The following POLR2D variants were observed in gnomAD, a reference collection of about 807,000 sequenced individuals.
POLR2D encodes DNA-directed RNA polymerase II subunit RPB4.
In POLR2D, 10 loss-of-function variants were observed where a neutral mutation model predicts 17.6. The observed-to-expected ratio is 0.57, with a 90% CI of 0.35 to 0.96. The LOEUF (loss-of-function observed/expected upper bound fraction) is 0.96, where lower values mean the gene tolerates loss of function less well. POLR2D is among the 40% of genes least tolerant of loss of function. The pLI is 0.02. For missense variants in POLR2D, 126 were observed against 176.4 expected (o/e 0.71, Z 1.62); for synonymous variants, 52 against 60.2 (o/e 0.86, Z 0.63).
Position 127,856,290 on chromosome 2 carries a change from C to CAAAAAAAAAAAAAA in POLR2D, c.73+1724_73+1737dup, listed in dbSNP as rs61249327. ...TAGGTAGCAGAATGAGATCCCGTCTCAAAAAAAAAAAAAAAAAAAGGCAGG... is the reference window on the plus strand; with the variant it reads ...TAGGTAGCAGAATGAGATCCCGTCTCAAAAAAAAAAAAAAAAAAAAAAAAAAAAAAAAAGGCAGG... On this transcript the variant is annotated intron_variant, in intron 1 of 3. Transcript: ENST00000272645. Among the ~76,000 whole-genome samples, 169 of 25,398 alleles carry CAAAAAAAAAAAAAA rather than the reference C, an allele frequency of 6.7e-3. 33 individuals are homozygous for CAAAAAAAAAAAAAA. The highest frequency in any genetic ancestry group is 0.019 in the African/African-American group (144 of 7,750). The allele number at this position is 25,398 out of a possible 152,430, so 16.7% of individuals were successfully genotyped here.
Position 127,845,373 on chromosome 2 carries a change from C to CTTTTTTTTTTTTTTTTTTTT in POLR2D, c.*2714_*2733dup, listed in dbSNP as rs397871322. ...CTGTAGATTTGGGTAAGCAATTTCACTTTTTTTTTTTTTTTTTTTTTGAGA... is the reference window on the plus strand; with the variant it reads ...CTGTAGATTTGGGTAAGCAATTTCACTTTTTTTTTTTTTTTTTTTTTTTTTTTTTTTTTTTTTTTTTGAGA... On this transcript the variant is annotated 3_prime_UTR_variant, in exon 4 of 4. Coordinates refer to ENST00000272645, the MANE Select transcript of POLR2D (RefSeq NM_004805.4). The CTTTTTTTTTTTTTTTTTTTT allele has an allele frequency of 8.8e-6, 1 of 113,616 alleles. No individual in the cohort carries two copies. The highest frequency in any genetic ancestry group is 3.8e-5 in the African/African-American group (1 of 26,518). 7.0% of individuals were successfully genotyped at this position (113,616 alleles called of 1,614,324 possible). A position where few individuals can be genotyped will look rare whatever the true frequency, so the allele number is the denominator to read the frequency against.
intron 1 of POLR2D, chr2:127,857,140 C>G (rs937047602): frequency 2.6e-5 from 4 of 152,106 alleles, no homozygotes; most frequent in Non-Finnish European, 4.4e-5. Context: ...TAGTGAGACC[C>G]TGTCTTTACG....
In POLR2D at chr2:127,858,118, CG is replaced by C. The variant is rs767107453; in HGVS notation, c.-19del. On this transcript the variant is annotated 5_prime_UTR_variant, in exon 1 of 4. Transcript: ENST00000272645. ...GCCGCCATCGCCGCGCCGCGCCGCG[CG>C]CCACCACCAGCGCCGCCGGAAGCAG... 2.7e-6 allele frequency: 4 copies of C among 1,469,170 alleles called. No homozygotes were observed. In the African/African-American group the frequency reaches 5.9e-5, roughly 22 times the overall value. 91.0% of individuals were successfully genotyped at this position (1,469,170 alleles called of 1,614,324 possible). A position where few individuals can be genotyped will look rare whatever the true frequency, so the allele number is the denominator to read the frequency against.
chr2:127,851,853 C>G (rs1236201351), intron 2 of POLR2D, among the ~76,000 whole-genome samples: 1 of 152,170 alleles, frequency 6.6e-6, no homozygotes, highest in Non-Finnish European at 1.5e-5. Flanking sequence ...TGCAGTGGCA[C>G]GATCTTGGCT....
chr2:127,846,266 T>TA lies in POLR2D; in HGVS notation c.*1840dup, dbSNP rs1192948101. 8 of 139,662 alleles carry TA rather than the reference T, an allele frequency of 5.7e-5. No individual in the cohort carries two copies. The highest frequency in any genetic ancestry group is 8.8e-5 in the Non-Finnish European group (6 of 67,944). 8.7% of individuals were successfully genotyped at this position (139,662 alleles called of 1,614,324 possible). A position where few individuals can be genotyped will look rare whatever the true frequency, so the allele number is the denominator to read the frequency against. On this transcript the variant is annotated 3_prime_UTR_variant, in exon 4 of 4. Transcript: ENST00000272645. ...CTATCTCAAAAAATAAATAAATAAA[T>TA]AAAAATAAGAATTTTTTATTCTTGC...
chr2:127,844,419 T>C lies in POLR2D; in HGVS notation c.*3688A>G, dbSNP rs181698848. The C allele has an allele frequency of 6.6e-6, 1 of 152,236 alleles. No individual in the cohort carries two copies. Among genetic ancestry groups the C allele is most frequent in the Non-Finnish European group, 1.5e-5 (1 of 68,046 alleles). 9.4% of individuals were successfully genotyped at this position (152,236 alleles called of 1,614,324 possible). On this transcript the variant is annotated 3_prime_UTR_variant, in exon 4 of 4. Transcript: ENST00000272645. ...CTGGTGAAGTGAGGGTTTGACAACC[T>C]ATCTTTTTGTTGTATCAGTATGTTC...
rs368249434 is a variant in POLR2D at position 127,858,078 on chromosome 2, G to A, written c.23C>T (p.Pro8Leu). Residue 8 changes from proline to leucine, a missense_variant, in exon 1 of 4, where the codon CCG (proline) becomes CTG (leucine). This residue lies in a region of POLR2D where 41 missense variants were observed against 24.9 expected (regional missense o/e 1.64). Transcript: ENST00000272645. ...GTCCTCCTCTACGTCGCCAGCCCGC[G>A]GATCGCTGCCACCCGCCGCCATCGC... MAAGGSD[P>L]RAGDVEEDAS... 5.9e-6 allele frequency: 9 copies of A among 1,538,074 alleles called. No individual in the cohort carries two copies. The highest frequency in any genetic ancestry group is 1.4e-5 in the African/African-American group (1 of 69,894).
chr2:127,848,073 T>C lies in POLR2D; in HGVS notation c.*34A>G. The C allele has an allele frequency of 5.0e-6, 7 of 1,387,314 alleles. No homozygotes were observed. The highest frequency in any genetic ancestry group is 7.2e-6 in the Non-Finnish European group (7 of 973,152). The allele number at this position is 1,387,314 out of a possible 1,614,324, so 85.9% of individuals were successfully genotyped here. ...GGGAAGGTGGTGTTATGCCTGGGGATGTGGTTTCTCCGAGCAGCAGTGATG... is the reference window on the plus strand; with the variant it reads ...GGGAAGGTGGTGTTATGCCTGGGGACGTGGTTTCTCCGAGCAGCAGTGATG... On this transcript the variant is annotated 3_prime_UTR_variant, in exon 4 of 4. Coordinates refer to ENST00000272645, the MANE Select transcript of POLR2D (RefSeq NM_004805.4).
rs1381245406 is a variant in POLR2D at position 127,845,323 on chromosome 2, T to C, written c.*2784A>G. 6.8e-6 allele frequency: 1 copy of C among 147,218 alleles called. No individual in the cohort carries two copies. The highest frequency in any genetic ancestry group is 2.6e-5 in the African/African-American group (1 of 39,166). 9.1% of individuals were successfully genotyped at this position (147,218 alleles called of 1,614,324 possible). On this transcript the variant is annotated 3_prime_UTR_variant, in exon 4 of 4. Coordinates refer to ENST00000272645, the MANE Select transcript of POLR2D (RefSeq NM_004805.4). ...TGCCCAAGAATGACATGCAAATTCATCAAGCATTAAAAAACGAAAGTTAAC... is the reference window on the plus strand; with the variant it reads ...TGCCCAAGAATGACATGCAAATTCACCAAGCATTAAAAAACGAAAGTTAAC...
chr2:127,856,263 C>T (rs1287342152), intron 1 of POLR2D, among the ~76,000 whole-genome samples: 3 of 119,418 alleles, frequency 2.5e-5, no homozygotes, highest in Non-Finnish European at 4.9e-5. Flanking sequence ...TGCACTCCAA[C>T]CTAGGTAGCA....
intron 2 of POLR2D, among the ~76,000 whole-genome samples, chr2:127,851,030 G>C (rs1045983788): frequency 2.0e-5 from 3 of 151,952 alleles, no homozygotes; most frequent in Non-Finnish European, 4.4e-5. Flanking sequence ...AGACCAGCCT[G>C]GCCAACGTGG....
intron 2 of POLR2D, among the ~76,000 whole-genome samples, chr2:127,851,108 C>A (rs997171512): frequency 2.6e-5 from 4 of 152,172 alleles, no homozygotes; most frequent in South Asian, 4.2e-4. Context: ...CCCAGCTACT[C>A]GGGAGGCTGA....
Position 127,844,427 on chromosome 2 carries a change from T to G in POLR2D, c.*3680A>C, listed in dbSNP as rs1690117701. On this transcript the variant is annotated 3_prime_UTR_variant, in exon 4 of 4. Coordinates refer to ENST00000272645, the MANE Select transcript of POLR2D (RefSeq NM_004805.4). The stretch of plus-strand genomic sequence containing the variant: ...GTGAGGGTTTGACAACCTATCTTTT[T>G]GTTGTATCAGTATGTTCCCAAATTC... 1.3e-5 allele frequency: 2 copies of G among 152,372 alleles called. No homozygotes were observed. The highest frequency in any genetic ancestry group is 1.3e-4 in the Admixed American group (2 of 15,300). 9.4% of individuals were successfully genotyped at this position (152,372 alleles called of 1,614,324 possible).
At position 127,851,141 on chromosome 2, in the gene POLR2D, G is replaced by A. The variant is rs957492123; in HGVS notation, c.255-456C>T. On this transcript the variant is annotated intron_variant, in intron 2 of 3. Coordinates refer to ENST00000272645, the MANE Select transcript of POLR2D (RefSeq NM_004805.4). The stretch of plus-strand genomic sequence containing the variant: ...TGAGGCAGGAGAATTGCTTGAACCC[G>A]GGAGGCGGAGGCTGCAGTGAGCCAA... Among the ~76,000 whole-genome samples, 19 of 152,204 alleles carry A rather than the reference G, an allele frequency of 1.2e-4. No homozygotes were observed. The South Asian group carries it at 1.5e-3, about 12-fold the overall frequency.
chr2:127,852,314 C>T lies in POLR2D; in HGVS notation c.254+611G>A, dbSNP rs1372868056. ...CTGGAGTACAGTGGCACAATCACAG[C>T]TCACTAAAGCCTCAACCTCCCAGGC... On this transcript the variant is annotated intron_variant, in intron 2 of 3. Coordinates refer to ENST00000272645, the MANE Select transcript of POLR2D (RefSeq NM_004805.4). This position sits in a 1 kb window ranked among gnomAD's most constrained non-coding sequence, Gnocchi z 4.0. Among the ~76,000 whole-genome samples the T allele has an allele frequency of 6.6e-6, 1 of 152,200 alleles. No homozygotes were observed. Among genetic ancestry groups the T allele is most frequent in the African/African-American group, 2.4e-5 (1 of 41,428 alleles).
chr2:127,850,777 C>G, intron 2 of POLR2D, 92 bp from the exon 3 acceptor site: 1 of 662,168 alleles, frequency 1.5e-6, no homozygotes, highest in Non-Finnish European at 2.7e-6. Context: ...AGGGATCAAA[C>G]GTAGCTAGTA....
chr2:127,850,698 A>G lies in POLR2D; in HGVS notation c.255-13T>C, dbSNP rs1345309346. ...CTGGAGTAGCAAGCTAATCAAAAGG[A>G]AAAAAAAAAAATCAAAATAATCAAA... On this transcript the variant is annotated splice_polypyrimidine_tract_variant and intron_variant, in intron 2 of 3. Coordinates refer to ENST00000272645, the MANE Select transcript of POLR2D (RefSeq NM_004805.4). 1 of 150,378 alleles carries G rather than the reference A, an allele frequency of 6.6e-6. No individual in the cohort carries two copies. Among genetic ancestry groups the G allele is most frequent in the Non-Finnish European group, 9.3e-6 (1 of 108,008 alleles). The allele number at this position is 150,378 out of a possible 1,614,324, so 9.3% of individuals were successfully genotyped here.
chr2:127,856,783 C>T (rs1266453535), intron 1 of POLR2D: 1 of 151,750 alleles, frequency 6.6e-6, no homozygotes, highest in Non-Finnish European at 1.5e-5. Flanking sequence ...CATCAGTAAT[C>T]CCAGCACTCT....
intron 2 of POLR2D, 38 bp from the exon 3 acceptor site, chr2:127,850,723 A>C: frequency 1.1e-6 from 1 of 951,194 alleles, no homozygotes. Context: ...AAATAATCAA[A>C]AACAAATAAA....
Sources: allele counts gnomAD v4.1 joint callset (sites outside exome capture counted in the v4.1 genomes callset), GRCh38; gene constraint gnomAD v4.1.1; regional missense constraint gnomAD v4.1.1; non-coding constraint Gnocchi (gnomAD v3.1); transcripts MANE v1.5; gene names NCBI Gene and HGNC (gene_info 2026-07-23, HGNC 2026-07-21).